The following PALLD variants were observed in gnomAD, a reference collection of about 807,000 sequenced individuals.
The protein encoded by PALLD is palladin, cytoskeletal associated protein, also known as palladin.
PALLD carries 61 observed loss-of-function variants against 123.5 expected under a neutral mutation model. The ratio of observed to expected loss-of-function variants is 0.49; its 90% CI spans 0.40 to 0.61. The LOEUF is 0.61. Ranked by LOEUF, PALLD falls within the 20% of genes least tolerant of loss-of-function variation. The pLI is 0.00. For synonymous variants in PALLD, 465 were observed against 496.4 expected (o/e 0.94, Z 0.84); for missense variants, 1,273 against 1,377.0 (o/e 0.92, Z 1.20).
chr4:168,612,887 C>A (rs2149772219), intron 2 of PALLD, among the ~76,000 whole-genome samples: 1 of 152,232 alleles, frequency 6.6e-6, no homozygotes, highest in South Asian at 2.1e-4. Context: ...TATTAGAGAA[C>A]CCATGTCTCT....
chr4:168,512,523 G>A lies in PALLD; in HGVS notation c.908+111G>A, dbSNP rs1762614181. 3.9e-6 allele frequency: 4 copies of A among 1,029,904 alleles called. No individual in the cohort carries two copies. The Admixed American group carries it at 6.0e-5, about 15-fold the overall frequency. 63.8% of individuals were successfully genotyped at this position (1,029,904 alleles called of 1,614,324 possible). On this transcript the variant is annotated intron_variant, in intron 2 of 21. Transcript: ENST00000505667. ...CATTAGCCCTCTGGAGACTGAGGTA[G>A]AGTACTTGCAAGGAGAGAAGCAGCC...
chr4:168,643,295 A>G (rs1012259693), intron 2 of PALLD, among the ~76,000 whole-genome samples: 9 of 152,186 alleles, frequency 5.9e-5, no homozygotes, highest in African/African-American at 2.2e-4. Flanking sequence ...AGGATAATAC[A>G]CAGGAAGCAA....
At chr4:168,552,499 A>C (rs1335716750) in intron 2 of PALLD, among the ~76,000 whole-genome samples, 1 of 152,218 alleles carries the variant, frequency 6.6e-6, no homozygotes, top group Admixed American at 6.5e-5. Flanking sequence ...CCAGTTCATT[A>C]GCTAACTTTT....
rs1411651976 is a variant in PALLD, at chr4:168,600,026, C to CGCACATACATGTGTGT, written c.909-68164_909-68163insGCACATACATGTGTGT. ...ACGTATATACATACATGTGTGTACA[C>CGCACATACATGTGTGT]ACACATACATACATGTGTATACACA... On this transcript the variant is annotated intron_variant, in intron 2 of 21. Coordinates refer to ENST00000505667, the MANE Select transcript of PALLD (RefSeq NM_001166108.2). 4.0e-3 allele frequency among the ~76,000 whole-genome samples: 596 copies of CGCACATACATGTGTGT among 148,026 alleles called. 7 individuals carry two copies. The highest frequency in any genetic ancestry group is 0.015 in the African/African-American group (562 of 38,554).
At chr4:168,848,642 T>C (rs4692553) in intron 10 of PALLD, among the ~76,000 whole-genome samples, 84,056 of 152,008 alleles carry the variant, frequency 0.55, 25,141 homozygotes, top group East Asian at 0.91. Flanking sequence ...CTAAAACTGG[T>C]AGAATTCAAA....
At chr4:168,717,304 A>C (rs1189816372) in intron 10 of PALLD, among the ~76,000 whole-genome samples, 1 of 152,130 alleles carries the variant, frequency 6.6e-6, no homozygotes, top group African/African-American at 2.4e-5. Context: ...TCCCACCTTT[A>C]GAGCAACCCC....
chr4:168,878,215 C>T lies in PALLD; in HGVS notation c.1965-12707C>T, dbSNP rs1310988122. 1 of 1,503,242 alleles carries T rather than the reference C, an allele frequency of 6.7e-7. No homozygotes were observed. The highest frequency in any genetic ancestry group is 2.0e-5 in the Admixed American group (1 of 49,258). 93.1% of individuals were successfully genotyped at this position (1,503,242 alleles called of 1,614,324 possible). On this transcript the variant is annotated intron_variant, in intron 10 of 21. Coordinates refer to ENST00000505667, the MANE Select transcript of PALLD (RefSeq NM_001166108.2). ...CTGCCTTCCCGGTGCCCGACGTGTT[C>T]CCACTGCCGCCGCCACCACCGCCGC...
At chr4:168,904,903 G>A (rs2151315257) in intron 15 of PALLD, among the ~76,000 whole-genome samples, 1 of 152,150 alleles carries the variant, frequency 6.6e-6, no homozygotes, top group South Asian at 2.1e-4. Flanking sequence ...GAGGCAGGTG[G>A]ATTGCCTCAG....
At chr4:168,908,919 T>G (rs983353385) in intron 15 of PALLD, among the ~76,000 whole-genome samples, 11 of 152,218 alleles carry the variant, frequency 7.2e-5, no homozygotes, top group African/African-American at 2.4e-4. Flanking sequence ...GTTAATCTTT[T>G]GGGAATAAGA....
chr4:168,743,946 T>C (rs2150357468), intron 10 of PALLD, among the ~76,000 whole-genome samples: 1 of 152,282 alleles, frequency 6.6e-6, no homozygotes, highest in South Asian at 2.1e-4. Flanking sequence ...GCTTCCACTG[T>C]CTGAGAAATC....
intron 1 of PALLD, among the ~76,000 whole-genome samples, chr4:168,500,608 T>C (rs905130168): frequency 6.6e-6 from 1 of 152,116 alleles, no homozygotes; most frequent in African/African-American, 2.4e-5. Context: ...ACTCCTGGGC[T>C]CAAGCGATCT....
intron 10 of PALLD, among the ~76,000 whole-genome samples, chr4:168,796,426 T>A (rs764576524): frequency 7.0e-4 from 106 of 152,348 alleles, no homozygotes; most frequent in Non-Finnish European, 1.2e-3. Context: ...GCTGTTTCAC[T>A]TGTCCTGTGA....
At chr4:168,687,442 A>G (rs1782179307) in intron 6 of PALLD, among the ~76,000 whole-genome samples, 1 of 152,232 alleles carries the variant, frequency 6.6e-6, no homozygotes, top group South Asian at 2.1e-4. Context: ...GTAGTTTAAG[A>G]GTTTTGCACA....
chr4:168,574,263 A>T (rs1472294327), intron 2 of PALLD, among the ~76,000 whole-genome samples: 2 of 152,192 alleles, frequency 1.3e-5, no homozygotes, highest in African/African-American at 4.8e-5. Context: ...ATTATAAATT[A>T]TTGTGCTTTA....
chr4:168,797,081 T>C (rs1313416004), intron 10 of PALLD, among the ~76,000 whole-genome samples: 2 of 152,208 alleles, frequency 1.3e-5, no homozygotes, highest in Non-Finnish European at 2.9e-5. Flanking sequence ...TATAACTAAG[T>C]ACAGTAGTAA....
At chr4:168,761,088 A>G (rs978152583) in intron 10 of PALLD, among the ~76,000 whole-genome samples, 1 of 152,272 alleles carries the variant, frequency 6.6e-6, no homozygotes, top group Admixed American at 6.5e-5. Context: ...GTTTGAACCA[A>G]AGACAAAAAT....
chr4:168,924,701 T>C (rs1192607225), intron 19 of PALLD, among the ~76,000 whole-genome samples: 1 of 152,196 alleles, frequency 6.6e-6, no homozygotes, highest in Non-Finnish European at 1.5e-5. Flanking sequence ...AAAAGACTAT[T>C]CAGTGGTTTT....
At chr4:168,748,967 G>A (rs1457913329) in intron 10 of PALLD, among the ~76,000 whole-genome samples, 1 of 152,150 alleles carries the variant, frequency 6.6e-6, no homozygotes, top group Non-Finnish European at 1.5e-5. Context: ...CCTTTACCCT[G>A]TGACAGAGTT....
At chr4:168,885,080 T>A (rs1053698383) in intron 10 of PALLD, among the ~76,000 whole-genome samples, 1 of 152,242 alleles carries the variant, frequency 6.6e-6, no homozygotes, top group Non-Finnish European at 1.5e-5. Flanking sequence ...GTTTCTTTAT[T>A]CACGCTGACT....
Sources: gnomAD v4.1 joint callset for allele counts (sites outside exome capture counted in the v4.1 genomes callset) on GRCh38, gnomAD v4.1.1 for gene constraint, MANE v1.5 for transcripts, NCBI Gene and HGNC (gene_info 2026-07-23, HGNC 2026-07-21) for gene names.